The following PARVA variants were observed in gnomAD, a reference collection of about 807,000 sequenced individuals.
The protein encoded by PARVA is alpha-parvin.
A neutral mutation model predicts 52.6 loss-of-function variants in PARVA; 25 were observed. That is an observed-to-expected ratio of 0.48 (90% CI 0.35 to 0.66). The LOEUF (loss-of-function observed/expected upper bound fraction) is 0.66. PARVA is among the 30% of genes least tolerant of loss of function. The pLI is 0.01. For synonymous variants in PARVA, 185 were observed against 179.1 expected (o/e 1.03, Z -0.26); for missense variants, 373 against 450.9 (o/e 0.83, Z 1.56).
chr11:12,449,773 TG>T (rs1940599139), intron 1 of PARVA, among the ~76,000 whole-genome samples: 1 of 152,196 alleles, frequency 6.6e-6, no homozygotes, highest in Admixed American at 6.5e-5. Context: ...GGGCCAGGGA[TG>T]CTATTAGACA....
intron 1 of PARVA, among the ~76,000 whole-genome samples, chr11:12,382,498 G>C (rs2070634645): frequency 6.6e-6 from 1 of 151,454 alleles, no homozygotes; most frequent in Non-Finnish European, 1.5e-5. Context: ...GCATATAAGT[G>C]GACCCTCGCA....
intron 1 of PARVA, among the ~76,000 whole-genome samples, chr11:12,472,901 T>C (rs1033854187): frequency 2.0e-5 from 3 of 152,268 alleles, no homozygotes; most frequent in South Asian, 4.1e-4. Flanking sequence ...ACAACTGGTT[T>C]TGTGGGAGGA....
intron 12 of PARVA, among the ~76,000 whole-genome samples, chr11:12,520,707 T>C (rs962601584): frequency 1.3e-5 from 2 of 152,138 alleles, no homozygotes; most frequent in African/African-American, 4.8e-5. Flanking sequence ...CCCAACACTT[T>C]GGGAGGCCAA....
intron 4 of PARVA, among the ~76,000 whole-genome samples, chr11:12,481,491 A>G (rs1214982731): frequency 1.3e-5 from 2 of 151,562 alleles, no homozygotes; most frequent in African/African-American, 2.4e-5. Context: ...AGACCATCTT[A>G]TATTTTTCTT....
chr11:12,498,425 C>G (rs535114747), intron 5 of PARVA, among the ~76,000 whole-genome samples: 4 of 152,106 alleles, frequency 2.6e-5, no homozygotes, highest in Admixed American at 6.6e-5. Flanking sequence ...TAATTTCTTA[C>G]GGGGAAATGT....
At chr11:12,511,190 C>G (rs1941498166) in intron 7 of PARVA, among the ~76,000 whole-genome samples, 1 of 152,192 alleles carries the variant, frequency 6.6e-6, no homozygotes, top group Admixed American at 6.5e-5. Flanking sequence ...GTCCAATATT[C>G]TTTAACTGCA....
chr11:12,453,857 A>T (rs908357488), intron 1 of PARVA, among the ~76,000 whole-genome samples: 2 of 152,202 alleles, frequency 1.3e-5, no homozygotes, highest in African/African-American at 4.8e-5. Context: ...GCCACAGTGG[A>T]GCCCAAGGGA....
chr11:12,387,754 G>A (rs1337853679), intron 1 of PARVA, among the ~76,000 whole-genome samples: 24 of 149,254 alleles, frequency 1.6e-4, no homozygotes, highest in African/African-American at 5.7e-4. Flanking sequence ...TCGGTTGGGG[G>A]GTTTGGGGTG....
At chr11:12,474,440 C>T (rs545169617) in intron 3 of PARVA, among the ~76,000 whole-genome samples, 31 of 152,116 alleles carry the variant, frequency 2.0e-4, no homozygotes, top group African/African-American at 4.6e-4. Flanking sequence ...CTGTGCATTA[C>T]GTACCTGCGC....
At chr11:12,471,747 G>A (rs1199996078) in intron 1 of PARVA, among the ~76,000 whole-genome samples, 1 of 152,220 alleles carries the variant, frequency 6.6e-6, no homozygotes, top group Non-Finnish European at 1.5e-5. Context: ...TGTGGTTGGT[G>A]CAGCTACGGA....
intron 9 of PARVA, 21 bp from the exon 10 acceptor site, chr11:12,513,976 C>T (rs1189553751): frequency 1.9e-6 from 3 of 1,609,800 alleles, no homozygotes; most frequent in Non-Finnish European, 2.6e-6. Flanking sequence ...CAGCTTAGGG[C>T]CTGCTTTGCT....
At chr11:12,391,740 C>G (rs926214908) in intron 1 of PARVA, among the ~76,000 whole-genome samples, 2 of 152,194 alleles carry the variant, frequency 1.3e-5, no homozygotes, top group African/African-American at 2.4e-5. Context: ...GATTTTAACA[C>G]ACAGCATGGA....
intron 1 of PARVA, among the ~76,000 whole-genome samples, chr11:12,418,775 TGAA>T (rs749370510): frequency 7.2e-5 from 11 of 152,176 alleles, no homozygotes; most frequent in Non-Finnish European, 1.3e-4. Context: ...AGTGGGGAGT[TGAA>T]GACTAAATGC....
At chr11:12,401,101 G>A (rs1939821511) in intron 1 of PARVA, among the ~76,000 whole-genome samples, 1 of 152,188 alleles carries the variant, frequency 6.6e-6, no homozygotes, top group Non-Finnish European at 1.5e-5. Flanking sequence ...CATGTAGTGG[G>A]ACCAGGGTAT....
At chr11:12,437,205 G>T (rs1459221536) in intron 1 of PARVA, among the ~76,000 whole-genome samples, 1 of 152,200 alleles carries the variant, frequency 6.6e-6, no homozygotes, top group Non-Finnish European at 1.5e-5. Context: ...TTACTTCAGA[G>T]AACTTAAGGA....
intron 12 of PARVA, among the ~76,000 whole-genome samples, chr11:12,519,900 AT>A (rs2135085532): frequency 6.6e-6 from 1 of 152,290 alleles, no homozygotes; most frequent in South Asian, 2.1e-4. Flanking sequence ...TCCTAATGCC[AT>A]TAGGAATGGA....
At chr11:12,497,573 C>T (rs891498657) in intron 5 of PARVA, among the ~76,000 whole-genome samples, 5 of 152,198 alleles carry the variant, frequency 3.3e-5, no homozygotes, top group Non-Finnish European at 5.9e-5. Context: ...AGTGCCTCCT[C>T]GGCATAATTA....
intron 4 of PARVA, among the ~76,000 whole-genome samples, chr11:12,485,544 TG>T (rs1941146802): frequency 6.6e-6 from 1 of 152,190 alleles, no homozygotes; most frequent in Admixed American, 6.5e-5. Flanking sequence ...TGGCCAAAGC[TG>T]GAATTATTTG....
At chr11:12,388,007 A>G (rs1035535639) in intron 1 of PARVA, among the ~76,000 whole-genome samples, 71 of 152,110 alleles carry the variant, frequency 4.7e-4, no homozygotes, top group African/African-American at 1.7e-3. Context: ...TCCCCTGCCT[A>G]TTCCATCCCC....
Sources: gnomAD v4.1 joint callset for allele counts (sites outside exome capture counted in the v4.1 genomes callset) on GRCh38, gnomAD v4.1.1 for gene constraint, MANE v1.5 for transcripts, NCBI Gene and HGNC (gene_info 2026-07-23, HGNC 2026-07-21) for gene names.